GRID2: variants seen among roughly 807,000 people sequenced by gnomAD.
GRID2 encodes glutamate ionotropic receptor delta type subunit 2.
A neutral mutation model predicts 114.8 loss-of-function variants in GRID2; 33 were observed. The ratio of observed to expected loss-of-function variants is 0.29; its 90% CI spans 0.22 to 0.38. The LOEUF is 0.38. Among genes scored for constraint, GRID2 ranks in the 10% least tolerant of loss-of-function variants. The probability of loss-of-function intolerance (pLI) is 1.00; values close to 1 mark genes in which losing one functional copy is unlikely to be tolerated. For missense variants in GRID2, 1,184 were observed against 1,257.7 expected (o/e 0.94, Z 0.89); for synonymous variants, 505 against 449.9 (o/e 1.12, Z -1.55).
At chr4:92,742,253 A>C (rs1301602045) in intron 2 of GRID2, among the ~76,000 whole-genome samples, 1 of 152,174 alleles carries the variant, frequency 6.6e-6, no homozygotes, top group Non-Finnish European at 1.5e-5. Context: ...AAATTAAAGC[A>C]TTTATAATAT....
chr4:92,981,612 C>A (rs1241525077), intron 2 of GRID2, among the ~76,000 whole-genome samples: 2 of 151,928 alleles, frequency 1.3e-5, no homozygotes, highest in Non-Finnish European at 2.9e-5. Flanking sequence ...TCAGTGCCTG[C>A]ATCACCAACA....
intron 3 of GRID2, among the ~76,000 whole-genome samples, chr4:93,090,664 C>T (rs996129763): frequency 6.6e-6 from 1 of 152,152 alleles, no homozygotes; most frequent in African/African-American, 2.4e-5. Context: ...ACTATATTAT[C>T]TTCTGCTGAT....
At chr4:93,716,704 ATACT>A (rs1560938045) in intron 14 of GRID2, among the ~76,000 whole-genome samples, 1 of 152,048 alleles carries the variant, frequency 6.6e-6, no homozygotes, top group Non-Finnish European at 1.5e-5. Context: ...AAATCAATAC[ATACT>A]TAAATATTAA....
At chr4:93,241,343 T>A (rs1382076166) in intron 8 of GRID2, among the ~76,000 whole-genome samples, 1 of 151,706 alleles carries the variant, frequency 6.6e-6, no homozygotes, top group East Asian at 1.9e-4. Flanking sequence ...CTAGGGATGA[T>A]GTTGAATGGA....
chr4:93,010,383 AG>A (rs1722008011), intron 2 of GRID2, among the ~76,000 whole-genome samples: 1 of 152,020 alleles, frequency 6.6e-6, no homozygotes, highest in Admixed American at 6.6e-5. Context: ...CACAGAACTT[AG>A]GAAAACCGTT....
At chr4:92,972,719 T>A (rs543273915) in intron 2 of GRID2, among the ~76,000 whole-genome samples, 1 of 152,204 alleles carries the variant, frequency 6.6e-6, no homozygotes, top group South Asian at 2.1e-4. Context: ...TTAAGCCTAG[T>A]ACCCACTGGT....
intron 1 of GRID2, among the ~76,000 whole-genome samples, chr4:92,423,820 T>A (rs1278180643): frequency 6.6e-6 from 1 of 151,912 alleles, no homozygotes; most frequent in Non-Finnish European, 1.5e-5. Flanking sequence ...AAAGAAATGA[T>A]GATGAAGATG....
intron 10 of GRID2, among the ~76,000 whole-genome samples, chr4:93,437,693 A>G (rs1026184741): frequency 6.6e-6 from 1 of 151,992 alleles, no homozygotes; most frequent in South Asian, 2.1e-4. Flanking sequence ...TGTACAGTCT[A>G]TATCTCACTT....
At chr4:92,428,352 G>T (rs567276814) in intron 1 of GRID2, among the ~76,000 whole-genome samples, 2 of 152,156 alleles carry the variant, frequency 1.3e-5, no homozygotes, top group Non-Finnish European at 2.9e-5. Flanking sequence ...TGGAGGCATT[G>T]TAAGAAATTC....
rs186883388 is a variant in GRID2 at position 92,569,704 on chromosome 4, T to C, written c.89-20427T>C. On this transcript the variant is annotated intron_variant, in intron 1 of 15. Coordinates refer to ENST00000282020, the MANE Select transcript of GRID2 (RefSeq NM_001510.4). ...GGTATCTCATTGTCATTTTGATTTG[T>C]ATTTCTCTAATAATCAGTGGGGTTG... 2.0e-5 allele frequency among the ~76,000 whole-genome samples: 3 copies of C among 152,208 alleles called. No homozygotes were observed. In the East Asian group the frequency reaches 5.8e-4, roughly 29 times the overall value.
At chr4:92,751,602 T>C (rs755241779) in intron 2 of GRID2, among the ~76,000 whole-genome samples, 1 of 152,214 alleles carries the variant, frequency 6.6e-6, no homozygotes, top group Non-Finnish European at 1.5e-5. Flanking sequence ...TTAAATAAAG[T>C]ATATATGTGC....
At chr4:93,316,970 C>G (rs903671495) in intron 8 of GRID2, among the ~76,000 whole-genome samples, 2 of 152,042 alleles carry the variant, frequency 1.3e-5, no homozygotes, top group Non-Finnish European at 2.9e-5. Context: ...TACTAAGAAA[C>G]CAGACCATAA....
At chr4:92,832,394 T>A (rs1205647478) in intron 2 of GRID2, among the ~76,000 whole-genome samples, 2 of 152,074 alleles carry the variant, frequency 1.3e-5, no homozygotes, top group Non-Finnish European at 2.9e-5. Context: ...TTGTTTGTTT[T>A]GTTTTGTTTT....
intron 14 of GRID2, among the ~76,000 whole-genome samples, chr4:93,686,380 C>T (rs374251169): frequency 1.6e-4 from 25 of 151,922 alleles, no homozygotes; most frequent in African/African-American, 5.1e-4. Flanking sequence ...ACCAGTCTTA[C>T]TGCTTTCAGT....
At chr4:93,256,792 A>G (rs1007174872) in intron 8 of GRID2, among the ~76,000 whole-genome samples, 3 of 151,970 alleles carry the variant, frequency 2.0e-5, no homozygotes, top group African/African-American at 7.2e-5. Flanking sequence ...GAAAAGGGTC[A>G]AATATTTTTG....
At chr4:92,860,026 A>G (rs1226290014) in intron 2 of GRID2, among the ~76,000 whole-genome samples, 1 of 152,216 alleles carries the variant, frequency 6.6e-6, no homozygotes, top group Non-Finnish European at 1.5e-5. Context: ...AAGAAGAAGA[A>G]TGGAGTAATA....
rs1002986568 is a variant in GRID2 at position 92,799,794 on chromosome 4, C to T, written c.244+209508C>T. ...GCATTTTAGGGGTTCACAATCCTGCCCATAACAGTAAGTATCGTTTTCTCA... is the reference window on the plus strand; with the variant it reads ...GCATTTTAGGGGTTCACAATCCTGCTCATAACAGTAAGTATCGTTTTCTCA... On this transcript the variant is annotated intron_variant, in intron 2 of 15. Transcript: ENST00000282020. 2.0e-5 allele frequency among the ~76,000 whole-genome samples: 3 copies of T among 152,026 alleles called. No homozygotes were observed. The South Asian group carries it at 6.2e-4, about 32-fold the overall frequency.
chr4:92,723,595 C>T (rs1055884679), intron 2 of GRID2, among the ~76,000 whole-genome samples: 1 of 152,068 alleles, frequency 6.6e-6, no homozygotes, highest in Non-Finnish European at 1.5e-5. Flanking sequence ...TACTTTGAGG[C>T]ATTAGGTAGT....
At position 93,177,812 on chromosome 4, in the gene GRID2, T is replaced by C. The variant is rs547385941; in HGVS notation, c.736-29592T>C. 9.9e-5 allele frequency among the ~76,000 whole-genome samples: 15 copies of C among 152,264 alleles called. No homozygotes were observed. In the South Asian group the frequency reaches 2.1e-3, roughly 21 times the overall value. ...AAAATTATTTTTTTCTAAACTACCA[T>C]TAACTAGTAGTTTTAGCAACTGCAA... On this transcript the variant is annotated intron_variant, in intron 4 of 15. Coordinates refer to ENST00000282020, the MANE Select transcript of GRID2 (RefSeq NM_001510.4).
Sources: gnomAD v4.1 joint callset for allele counts (sites outside exome capture counted in the v4.1 genomes callset) on GRCh38, gnomAD v4.1.1 for gene constraint, MANE v1.5 for transcripts, NCBI Gene and HGNC (gene_info 2026-07-23, HGNC 2026-07-21) for gene names.